The following UBXN11 variants were observed in gnomAD, a reference collection of about 807,000 sequenced individuals.
The protein encoded by UBXN11 is UBX domain protein 11.
In UBXN11, 47 loss-of-function variants were observed where a neutral mutation model predicts 62.8. That is an observed-to-expected ratio of 0.75 (90% CI 0.59 to 0.95). UBXN11 has a LOEUF of 0.95. Ranked by LOEUF, UBXN11 falls within the 40% of genes least tolerant of loss-of-function variation. The pLI, the probability that UBXN11 is intolerant of heterozygous loss-of-function variation, is 0.00. For synonymous variants in UBXN11, 294 were observed against 267.0 expected (o/e 1.10, Z -0.99); for missense variants, 638 against 661.7 (o/e 0.96, Z 0.39).
intron 4 of UBXN11, among the ~76,000 whole-genome samples, chr1:26,299,030 T>C (rs944522562): frequency 2.0e-5 from 3 of 152,120 alleles, no homozygotes; most frequent in East Asian, 1.9e-4. Context: ...CTCTTTAGGA[T>C]TTCTTTGCAT....
At chr1:26,313,720 T>G (rs565820036) in intron 1 of UBXN11, among the ~76,000 whole-genome samples, 3 of 152,246 alleles carry the variant, frequency 2.0e-5, no homozygotes, top group African/African-American at 7.2e-5. Context: ...GAGTTCCTAA[T>G]TTTTATTACC....
chr1:26,315,676 T>G (rs1323747892), intron 1 of UBXN11, among the ~76,000 whole-genome samples: 1 of 152,250 alleles, frequency 6.6e-6, no homozygotes, highest in African/African-American at 2.4e-5. Flanking sequence ...TCTCTTTTTT[T>G]GAAATGGAGT....
At chr1:26,293,781 G>A (rs1044143058) in intron 8 of UBXN11, among the ~76,000 whole-genome samples, 1 of 150,148 alleles carries the variant, frequency 6.7e-6, no homozygotes, top group Non-Finnish European at 1.5e-5. Flanking sequence ...AGAACCAGGT[G>A]GATTCCAAGG....
intron 8 of UBXN11, among the ~76,000 whole-genome samples, chr1:26,287,526 C>T (rs567152543): frequency 6.6e-6 from 1 of 152,000 alleles, no homozygotes; most frequent in Non-Finnish European, 1.5e-5. Context: ...TTTGGGGCCT[C>T]AGAGAGGCTG....
At position 26,285,824 on chromosome 1, in the gene UBXN11, T is replaced by A; in HGVS notation, c.773A>T (p.Gln258Leu). 6.2e-7 allele frequency: 1 copy of A among 1,601,006 alleles called. No homozygotes were observed. Among genetic ancestry groups the A allele is most frequent in the South Asian group, 1.1e-5 (1 of 90,480 alleles). Residue 258 changes from glutamine (Q) to leucine (L), a missense_variant and splice_region_variant, in exon 9 of 15, where the codon CAG becomes CTG. By Grantham distance (113) the Gln-to-Leu change is moderately radical. Transcript: ENST00000374222. ...PFQPFYDPST[Q>L]RCLRDILDGF... ...CACCCCCCCCAACACCGCTCCTACC[T>A]GTGTGGAGGGATCGTAGAAGGGCTG...
At chr1:26,306,840 G>T (rs974677830), upstream of UBXN11, 4 of 111,338 alleles carry the variant, frequency 3.6e-5, no homozygotes, top group East Asian at 2.5e-4. Context: ...GGGGGGGGGG[G>T]GTGGTTCGTT....
rs75188730 is a variant in UBXN11 at position 26,296,904 on chromosome 1, G to A, written c.432+15C>T. On this transcript the variant is annotated intron_variant, in intron 7 of 14. Coordinates refer to ENST00000374222, the MANE Select transcript of UBXN11 (RefSeq NM_001389556.1). ...CTGCTGGCTGCCCGCATCCCCCGGGGCCCAGCTCTCTCACCTCCATCTCCC... is the reference window on the plus strand; with the variant it reads ...CTGCTGGCTGCCCGCATCCCCCGGGACCCAGCTCTCTCACCTCCATCTCCC... 500 of 1,598,624 alleles carry A rather than the reference G, an allele frequency of 3.1e-4. 3 individuals are homozygous for A. The African/African-American group carries it at 5.6e-3, about 18-fold the overall frequency.
In UBXN11 at chr1:26,302,827, C is replaced by A; in HGVS notation, c.57G>T (p.Glu19Asp). 2.5e-6 allele frequency: 4 copies of A among 1,613,802 alleles called. No individual in the cohort carries two copies. Among genetic ancestry groups the A allele is most frequent in the Non-Finnish European group, 3.4e-6 (4 of 1,179,804 alleles). The change falls in exon 2 of 15, where the codon GAG becomes GAT. Residue 19 changes from glutamate to aspartate, a missense_variant. Transcript: ENST00000374222. ...TGGCTCCTTACCCAGGATTCATAGG[C>A]TCCGAGGGCAGGGGCACTTTTCGGG... ...SKTRKVPLPS[E>D]PMNPGRRGIR...
chr1:26,311,140 CTTTT>C (rs58696772), upstream of UBXN11, among the ~76,000 whole-genome samples: 2 of 136,058 alleles, frequency 1.5e-5, no homozygotes, highest in Non-Finnish European at 1.6e-5. Context: ...AGTCTCTATT[CTTTT>C]TTTTTTTTTT....
chr1:26,317,770 A>G lies in UBXN11; in HGVS notation c.-149+277T>C, dbSNP rs189249745. 7.6e-4 allele frequency among the ~76,000 whole-genome samples: 116 copies of G among 151,936 alleles called. 1 individual carries two copies. The highest frequency in any genetic ancestry group is 2.7e-3 in the African/African-American group (111 of 41,418). On this transcript the variant is annotated intron_variant, in intron 1 of 14. Transcript: ENST00000374217. ...TTGCCTCTGGATTGACCTCTCTCCT[A>G]TCTTGTACGATCTAGCCTGCTCCCC...
At chr1:26,296,133 G>A (rs954433994) in intron 7 of UBXN11, among the ~76,000 whole-genome samples, 4 of 152,212 alleles carry the variant, frequency 2.6e-5, no homozygotes, top group South Asian at 4.1e-4. Flanking sequence ...CTTCTGGCAG[G>A]GCCCATGCGT....
chr1:26,295,811 CTA>C (rs749115005), intron 7 of UBXN11, among the ~76,000 whole-genome samples: 65 of 152,226 alleles, frequency 4.3e-4, no homozygotes, highest in Non-Finnish European at 7.2e-4. Flanking sequence ...AGGCGGGGGA[CTA>C]TGTCTGTCTT....
chr1:26,294,422 G>A (rs1421113557), intron 7 of UBXN11, 91 bp from the exon 8 acceptor site: 1 of 1,541,488 alleles, frequency 6.5e-7, no homozygotes, highest in Non-Finnish European at 8.7e-7. Context: ...GCCTCAGTCT[G>A]CAGGCAATGG....
At chr1:26,317,316 T>C (rs1404767963) in intron 1 of UBXN11, among the ~76,000 whole-genome samples, 2 of 152,178 alleles carry the variant, frequency 1.3e-5, no homozygotes, top group African/African-American at 2.4e-5. Flanking sequence ...TCCCAGTTCC[T>C]TGAAATGAGG....
intron 1 of UBXN11, among the ~76,000 whole-genome samples, chr1:26,315,253 C>T (rs1183175814): frequency 6.6e-6 from 1 of 152,190 alleles, no homozygotes; most frequent in Non-Finnish European, 1.5e-5. Flanking sequence ...TTAGTATCCT[C>T]GCATGCATCT....
At chr1:26,285,601 C>CACT (rs1041690752) in intron 9 of UBXN11, 60 bp from the exon 10 acceptor site, 16 of 1,479,466 alleles carry the variant, frequency 1.1e-5, no homozygotes, top group Non-Finnish European at 1.4e-5. Flanking sequence ...CCTGCCCTGC[C>CACT]ACTGGTCTGG....
rs200623730 is a variant in UBXN11, at chr1:26,297,444, G to A, written c.338C>T (p.Thr113Ile). 8 of 1,554,736 alleles carry A rather than the reference G, an allele frequency of 5.1e-6. No individual in the cohort carries two copies. Among genetic ancestry groups the A allele is most frequent in the Admixed American group, 1.9e-5 (1 of 51,744 alleles). The change falls in exon 6 of 15, where the codon ACC becomes ATC. Residue 113 changes from threonine (T) to isoleucine (I), a missense_variant. Transcript: ENST00000374222. ...CCCCCTACCTGGGTGTGGCCGGAGG[G>A]TCTGCACCAGGTCCTCTAGGGCCGC... The part of the protein sequence containing the change: ...KIAALEDLVQ[T>I]LRPHPAEATL...
intron 8 of UBXN11, among the ~76,000 whole-genome samples, chr1:26,290,355 G>A (rs1235850799): frequency 6.6e-6 from 1 of 152,144 alleles, no homozygotes; most frequent in African/African-American, 2.4e-5. Flanking sequence ...CTGATCTGGG[G>A]TCTGACCCGA....
At chr1:26,295,979 G>A (rs531188103) in intron 7 of UBXN11, among the ~76,000 whole-genome samples, 9 of 152,244 alleles carry the variant, frequency 5.9e-5, no homozygotes, top group South Asian at 2.1e-4. Flanking sequence ...GCCACTGCTC[G>A]GGGACAACCC....
Sources: allele counts gnomAD v4.1 joint callset (sites outside exome capture counted in the v4.1 genomes callset), GRCh38; gene constraint gnomAD v4.1.1; transcripts MANE v1.5; gene names NCBI Gene and HGNC (gene_info 2026-07-23, HGNC 2026-07-21).